Variants in TBCD observed in about 807,000 individuals in gnomAD.
The protein encoded by TBCD is tubulin-specific chaperone D.
In TBCD, 105 loss-of-function variants were observed where a neutral mutation model predicts 169.3. The observed-to-expected ratio is 0.62, with a 90% CI of 0.53 to 0.73. TBCD has a LOEUF of 0.73. Ranked by LOEUF, TBCD falls within the 30% of genes least tolerant of loss-of-function variation. The pLI is 0.00. For missense variants in TBCD, 1,444 were observed against 1,600.1 expected, an observed-to-expected ratio of 0.90 and a Z score of 1.66; for synonymous variants, 700 against 643.9, an observed-to-expected ratio of 1.09 and a Z score of -1.32.
At chr17:82,870,193 C>A (rs201514376) in intron 13 of TBCD, 31 bp from the exon 14 acceptor site, 250 of 1,611,490 alleles carry the variant, frequency 1.6e-4, no homozygotes, top group Middle Eastern at 8.2e-4. Context: ...GTGGTCTGCT[C>A]CTCACCGTCT....
In TBCD at chr17:82,884,689, G is replaced by A. The variant is rs558961521; in HGVS notation, c.1533+487G>A. The A allele has an allele frequency of 1.0e-4, 21 of 202,736 alleles. No homozygotes were observed. The highest frequency in any genetic ancestry group is 7.7e-4 in the Admixed American group (15 of 19,448). 12.6% of individuals were successfully genotyped at this position (202,736 alleles called of 1,614,324 possible). A position where few individuals can be genotyped will look rare whatever the true frequency, so the allele number is the denominator to read the frequency against. On this transcript the variant is annotated intron_variant, in intron 15 of 38. Coordinates refer to ENST00000355528, the MANE Select transcript of TBCD (RefSeq NM_005993.5). This position sits in a 1 kb window ranked among gnomAD's most constrained non-coding sequence, Gnocchi z 4.2. ...GGGAGCTGCCTGCAGGACCGGGTGCGTCTTGAACACAGATGGCTGGTTTCC... is the reference window on the plus strand; with the variant it reads ...GGGAGCTGCCTGCAGGACCGGGTGCATCTTGAACACAGATGGCTGGTTTCC...
At chr17:82,937,713 G>A in intron 35 of TBCD, 1 of 696,222 alleles carries the variant, frequency 1.4e-6, no homozygotes, top group Non-Finnish European at 2.3e-6. Flanking sequence ...CGGCGCTCAG[G>A]TGGACACTGG....
chr17:82,757,218 G>C (rs1322748221), intron 2 of TBCD, among the ~76,000 whole-genome samples: 9 of 152,170 alleles, frequency 5.9e-5, no homozygotes, highest in Non-Finnish European at 7.3e-5. Flanking sequence ...GCCCCCCGTG[G>C]TGTTGAGATC....
Position 82,926,431 on chromosome 17 carries a change from C to T in TBCD, c.2411C>T (p.Thr804Ile), listed in dbSNP as rs1568062830. 6.2e-7 allele frequency: 1 copy of T among 1,613,918 alleles called. No individual in the cohort carries two copies. The highest frequency in any genetic ancestry group is 8.5e-7 in the Non-Finnish European group (1 of 1,179,892). ...ACAGGTTTAAGAGCAGTTACCCACA[C>T]TTCCCCCGAGGACGTAAGTTTTGCT... ...VLTGLRAVTH[T>I]SPEDVSFAES... Residue 804 changes from threonine (T) to isoleucine (I), a missense_variant, in exon 28 of 39, where the codon ACT becomes ATT. By Grantham distance (89) the Thr-to-Ile change is moderately conservative. Coordinates refer to ENST00000355528, the MANE Select transcript of TBCD (RefSeq NM_005993.5).
intron 9 of TBCD, among the ~76,000 whole-genome samples, chr17:82,804,505 C>T (rs2050808711): frequency 6.6e-6 from 1 of 152,188 alleles, no homozygotes; most frequent in African/African-American, 2.4e-5. Flanking sequence ...CTTGAAGGCG[C>T]CGGCCTGGCC....
chr17:82,777,099 G>GT (rs922367755), intron 6 of TBCD, among the ~76,000 whole-genome samples: 1 of 151,816 alleles, frequency 6.6e-6, no homozygotes, highest in Non-Finnish European at 1.5e-5. Context: ...ATGTCAAACC[G>GT]TTTTTTTCTC....
At position 82,930,664 on chromosome 17, in the gene TBCD, C is replaced by T. The variant is rs761117137; in HGVS notation, c.3113+21C>T. 3 of 1,613,646 alleles carry T rather than the reference C, an allele frequency of 1.9e-6. No homozygotes were observed. The highest frequency in any genetic ancestry group is 2.2e-5 in the South Asian group (2 of 91,078). Reference sequence around the variant, plus strand: ...GAGAGGTGAGTGGTGTCTCTTGGGGCCTCAGAGGCGTGAGTGGTGCTGGTG... The same window carrying T: ...GAGAGGTGAGTGGTGTCTCTTGGGGTCTCAGAGGCGTGAGTGGTGCTGGTG... On this transcript the variant is annotated intron_variant, in intron 33 of 38. Coordinates refer to ENST00000355528, the MANE Select transcript of TBCD (RefSeq NM_005993.5). This position sits in a 1 kb window ranked among gnomAD's most constrained non-coding sequence, Gnocchi z 5.2.
At chr17:82,793,061 C>G (rs1813033808) in intron 7 of TBCD, among the ~76,000 whole-genome samples, 1 of 152,152 alleles carries the variant, frequency 6.6e-6, no homozygotes, top group Non-Finnish European at 1.5e-5. Flanking sequence ...CTACACCCAG[C>G]CTGAAATTAG....
chr17:82,927,385 G>T, intron 29 of TBCD, 62 bp downstream of exon 29: 5 of 1,557,514 alleles, frequency 3.2e-6, no homozygotes, highest in Non-Finnish European at 1.7e-6. Context: ...GTGGAAACTC[G>T]GAGGCCCCGG....
chr17:82,783,891 G>C (rs745664600), intron 7 of TBCD, among the ~76,000 whole-genome samples: 1 of 152,152 alleles, frequency 6.6e-6, no homozygotes, highest in Admixed American at 6.5e-5. Flanking sequence ...TTGGGAGGCC[G>C]AGGCAGGCAG....
Position 82,880,664 on chromosome 17 carries a change from G to A in TBCD, c.1476-3481G>A, listed in dbSNP as rs545496764. On this transcript the variant is annotated intron_variant, in intron 14 of 38. Coordinates refer to ENST00000355528, the MANE Select transcript of TBCD (RefSeq NM_005993.5). The surrounding 1 kb of genome is among the most constrained non-coding windows in gnomAD (Gnocchi z 5.0). ...CGTGGTGTTGGGAGGTGCTGGGCCC[G>A]GAGGTATCAGCAGGAACTGCAGGGT... is the stretch of plus-strand genomic sequence containing the variant. 1.2e-4 allele frequency among the ~76,000 whole-genome samples: 18 copies of A among 152,220 alleles called. No individual in the cohort carries two copies. In the East Asian group the frequency reaches 3.1e-3, roughly 26 times the overall value.
chr17:82,773,507 C>T (rs1404456161), intron 6 of TBCD, among the ~76,000 whole-genome samples: 2 of 152,124 alleles, frequency 1.3e-5, no homozygotes, highest in African/African-American at 4.8e-5. Context: ...AAAATAAAAC[C>T]TTTGAATGCT....
chr17:82,781,472 G>GT, intron 6 of TBCD, 117 bp from the exon 7 acceptor site: 1 of 1,329,478 alleles, frequency 7.5e-7, no homozygotes, highest in South Asian at 1.4e-5. Context: ...TGGCATCTTG[G>GT]TGTAAGGGTG....
At chr17:82,852,262 C>T (rs1160703929) in intron 13 of TBCD, among the ~76,000 whole-genome samples, 1 of 151,904 alleles carries the variant, frequency 6.6e-6, no homozygotes, top group Non-Finnish European at 1.5e-5. Context: ...TGGCTCCTTG[C>T]CCCGAGCGTG....
Position 82,930,790 on chromosome 17 carries a change from A to G in TBCD, c.3113+147A>G, listed in dbSNP as rs150417465. 1 of 1,312,840 alleles carries G rather than the reference A, an allele frequency of 7.6e-7. No individual in the cohort carries two copies. The highest frequency in any genetic ancestry group is 1.0e-6 in the Non-Finnish European group (1 of 964,134). The allele number at this position is 1,312,840 out of a possible 1,614,324, so 81.3% of individuals were successfully genotyped here. A position where few individuals can be genotyped will look rare whatever the true frequency, so the allele number is the denominator to read the frequency against. On this transcript the variant is annotated intron_variant, in intron 33 of 38. Coordinates refer to ENST00000355528, the MANE Select transcript of TBCD (RefSeq NM_005993.5). This position sits in a 1 kb window ranked among gnomAD's most constrained non-coding sequence, Gnocchi z 5.2. Reference sequence around the variant, plus strand: ...CGCTGTACCAGTTGGTGGCTCAGCGAGGAAGATGTGCCTGCAGCATATGGT... The same window carrying G: ...CGCTGTACCAGTTGGTGGCTCAGCGGGGAAGATGTGCCTGCAGCATATGGT...
Position 82,923,665 on chromosome 17 carries a change from C to G in TBCD, c.2192C>G (p.Ser731Trp). Residue 731 changes from serine to tryptophan, a missense_variant, in exon 26 of 39, where the codon TCG becomes TGG. Transcript: ENST00000355528. The surrounding 1 kb of genome is among the most constrained non-coding windows in gnomAD (Gnocchi z 4.6). ...CCTTTGTTTTAGGATGCAGCAGTCTCGGCCCTGGCTGCTCTATGCAGTGAA... is the reference window on the plus strand; with the variant it reads ...CCTTTGTTTTAGGATGCAGCAGTCTGGGCCCTGGCTGCTCTATGCAGTGAA... Reference protein sequence around the residue: ...SRQQMKDAAVSALAALCSEYY... With the variant: ...SRQQMKDAAVWALAALCSEYY... 2 of 1,582,808 alleles carry G rather than the reference C, an allele frequency of 1.3e-6. No individual in the cohort carries two copies. Among genetic ancestry groups the G allele is most frequent in the South Asian group, 2.3e-5 (2 of 86,454 alleles).
chr17:82,869,322 G>A (rs577045496), intron 13 of TBCD, among the ~76,000 whole-genome samples: 2 of 152,202 alleles, frequency 1.3e-5, no homozygotes, highest in South Asian at 2.1e-4. Context: ...GTAAAAAATC[G>A]GGTAGCCTGG....
rs8074277 is a variant in TBCD at position 82,831,752 on chromosome 17, T to C, written c.1318+16818T>C. 275,780 of 1,613,822 alleles carry C rather than the reference T, an allele frequency of 0.17. 25,228 individuals are homozygous for C. Among genetic ancestry groups the C allele is most frequent in the Admixed American group, 0.27 (16,275 of 59,978 alleles). ...GGGTACTCTGGGATTGTGGGGTGCA[T>C]GTAAGGGGAAATGGCCCCAAGCCCC... On this transcript the variant is annotated intron_variant, in intron 13 of 38. Transcript: ENST00000355528. This position sits in a 1 kb window ranked among gnomAD's most constrained non-coding sequence, Gnocchi z 4.6.
intron 13 of TBCD, chr17:82,865,501 C>T (rs1337689484): frequency 1.0e-6 from 1 of 985,488 alleles, no homozygotes; most frequent in South Asian, 4.7e-5. Context: ...GTTTCCACGC[C>T]TTCCTCGTGG....
Sources: allele counts gnomAD v4.1 joint callset (sites outside exome capture counted in the v4.1 genomes callset), GRCh38; gene constraint gnomAD v4.1.1; non-coding constraint Gnocchi (gnomAD v3.1); transcripts MANE v1.5; gene names NCBI Gene and HGNC (gene_info 2026-07-23, HGNC 2026-07-21).